Variants in ZNF410 observed in about 807,000 individuals in gnomAD.
The protein encoded by ZNF410 is zinc finger protein 410.
A neutral mutation model predicts 54.8 loss-of-function variants in ZNF410; 18 were observed. The observed-to-expected ratio is 0.33, with a 90% CI of 0.23 to 0.49. The LOEUF is 0.49. Among genes scored for constraint, ZNF410 ranks in the 20% least tolerant of loss-of-function variants. The pLI is 0.99. For missense variants in ZNF410, 405 were observed against 569.6 expected (o/e 0.71, Z 2.94); for synonymous variants, 191 against 207.3 (o/e 0.92, Z 0.68).
In ZNF410 at chr14:73,888,973, G is replaced by A. The variant is rs1168098983; in HGVS notation, c.-150+2058G>A. Among the ~76,000 whole-genome samples, 4 of 152,150 alleles carry A rather than the reference G, an allele frequency of 2.6e-5. No homozygotes were observed. The East Asian group carries it at 7.7e-4, about 29-fold the overall frequency. ...ACCCAGTGCTTGAGAAAATGCTCGTGTTAATTTTTAAAGATTATTGAAGTG... is the reference window on the plus strand; with the variant it reads ...ACCCAGTGCTTGAGAAAATGCTCGTATTAATTTTTAAAGATTATTGAAGTG... On this transcript the variant is annotated intron_variant, in intron 1 of 11. Transcript: ENST00000555044.
At chr14:73,916,613 C>T (rs1010138173) in intron 8 of ZNF410, 1 of 152,170 alleles carries the variant, frequency 6.6e-6, no homozygotes, top group Admixed American at 6.5e-5. Context: ...TCAGCTATTC[C>T]TCCATGGAGT....
In ZNF410 at chr14:73,932,206, G is replaced by GTT. The variant is rs931208466; in HGVS notation, c.*671_*672dup. ...ATGTTAAGAGGGATTTCATGTTTTT[G>GTT]TTTTTTTAAAGTTAAAAATTACATG... is the stretch of plus-strand genomic sequence containing the variant. On this transcript the variant is annotated 3_prime_UTR_variant, in exon 12 of 12. Coordinates refer to ENST00000555044, the MANE Select transcript of ZNF410 (RefSeq NM_021188.3). 3.0e-6 allele frequency: 1 copy of GTT among 334,456 alleles called. No homozygotes were observed. The highest frequency in any genetic ancestry group is 5.8e-6 in the Non-Finnish European group (1 of 173,554). 20.7% of individuals were successfully genotyped at this position (334,456 alleles called of 1,614,324 possible).
chr14:73,887,139 TC>T (rs2055153375), intron 1 of ZNF410: 2 of 152,614 alleles, frequency 1.3e-5, no homozygotes. Context: ...ATGTTCTTGC[TC>T]CTTTGCTTGG....
Position 73,923,522 on chromosome 14 carries a change from G to A in ZNF410, c.1398G>A (p.Glu466=). Residue 466 remains glutamate, a splice_region_variant and synonymous_variant, in exon 11 of 12, where the codon GAG becomes GAA. Coordinates refer to ENST00000555044, the MANE Select transcript of ZNF410 (RefSeq NM_021188.3). ...VSVLTAVNPQ[E]LLNQGDLTER... is the part of the protein sequence containing the mutation. ...TCTTAACTGCAGTAAATCCACAAGA[G>A]GTAAAGTGGTCTCTTGCCCTTTGTT... 6.2e-7 allele frequency: 1 copy of A among 1,611,624 alleles called. No individual in the cohort carries two copies. Among genetic ancestry groups the A allele is most frequent in the Non-Finnish European group, 8.5e-7 (1 of 1,178,972 alleles).
At chr14:73,902,886 T>C (rs924030995) in intron 5 of ZNF410, among the ~76,000 whole-genome samples, 5 of 152,198 alleles carry the variant, frequency 3.3e-5, no homozygotes, top group Middle Eastern at 3.2e-3. Context: ...TGAACAAAAC[T>C]CCAGTAGATA....
rs919740209 is a variant in ZNF410 at position 73,893,988 on chromosome 14, T to C, written c.169+56T>C. On this transcript the variant is annotated intron_variant, in intron 3 of 11. Coordinates refer to ENST00000555044, the MANE Select transcript of ZNF410 (RefSeq NM_021188.3). ...AAGAAGTCTTAAGAGCTTAGCCTAC[T>C]CTATGTTACTGGTGGAATGAATATA... 14 of 1,547,904 alleles carry C rather than the reference T, an allele frequency of 9.0e-6. No individual in the cohort carries two copies. In the African/African-American group the frequency reaches 1.8e-4, roughly 20 times the overall value.
intron 11 of ZNF410, among the ~76,000 whole-genome samples, 178 bp downstream of exon 11, chr14:73,923,700 A>AT (rs2055788178): frequency 6.6e-6 from 1 of 152,270 alleles, no homozygotes; most frequent in East Asian, 1.9e-4. Context: ...GTCTTAATGA[A>AT]TTGGAGATTG....
chr14:73,923,332 T>C, intron 10 of ZNF410, 63 bp from the exon 11 acceptor site: 1 of 1,542,620 alleles, frequency 6.5e-7, no homozygotes. Context: ...AGAGGCTTAA[T>C]GATCCAGATA....
chr14:73,917,307 A>G (rs975255277), intron 8 of ZNF410, among the ~76,000 whole-genome samples: 5 of 152,180 alleles, frequency 3.3e-5, no homozygotes, highest in African/African-American at 1.2e-4. Flanking sequence ...GTTTTAATAT[A>G]TCACCAGCTT....
In ZNF410 at chr14:73,931,983, G is replaced by A. The variant is rs1325616713; in HGVS notation, c.*442G>A. 1 of 456,516 alleles carries A rather than the reference G, an allele frequency of 2.2e-6. No homozygotes were observed. Among genetic ancestry groups the A allele is most frequent in the Admixed American group, 2.3e-5 (1 of 42,562 alleles). The allele number at this position is 456,516 out of a possible 1,614,324, so 28.3% of individuals were successfully genotyped here. On this transcript the variant is annotated 3_prime_UTR_variant, in exon 12 of 12. Coordinates refer to ENST00000555044, the MANE Select transcript of ZNF410 (RefSeq NM_021188.3). ...GGAAGTTGAGTTTTCAAGATGCCTTGTTGCTTTGAAGAAGGGAGTGATGTC... is the reference window on the plus strand; with the variant it reads ...GGAAGTTGAGTTTTCAAGATGCCTTATTGCTTTGAAGAAGGGAGTGATGTC...
chr14:73,897,025 A>G (rs2055328204), intron 4 of ZNF410, among the ~76,000 whole-genome samples: 2 of 152,214 alleles, frequency 1.3e-5, no homozygotes, highest in Non-Finnish European at 2.9e-5. Flanking sequence ...ACAACAGAAC[A>G]GGAAGGAGCA....
Position 73,932,311 on chromosome 14 carries a change from T to A in ZNF410, c.*770T>A, listed in dbSNP as rs1419721550. The A allele has an allele frequency of 2.9e-6, 1 of 340,230 alleles. No individual in the cohort carries two copies. The highest frequency in any genetic ancestry group is 8.1e-5 in the East Asian group (1 of 12,280). 21.1% of individuals were successfully genotyped at this position (340,230 alleles called of 1,614,324 possible). On this transcript the variant is annotated 3_prime_UTR_variant, in exon 12 of 12. Transcript: ENST00000555044. The stretch of plus-strand genomic sequence containing the variant: ...GGCTCTTGTTTTATACAAAATTTGT[T>A]TTCTTAGAGATTAAGAATTTAATCT...
intron 4 of ZNF410, 57 bp downstream of exon 4, chr14:73,896,591 G>A (rs1479206305): frequency 8.7e-6 from 12 of 1,380,948 alleles, no homozygotes; most frequent in African/African-American, 1.5e-5. Context: ...TTAGGGGTGG[G>A]GCATATTTAA....
chr14:73,889,458 T>C (rs946260201), intron 1 of ZNF410, among the ~76,000 whole-genome samples: 3 of 127,368 alleles, frequency 2.4e-5, no homozygotes, highest in African/African-American at 8.7e-5. Flanking sequence ...AAAAAAGAAA[T>C]AGGGTCTCAC....
Position 73,909,616 on chromosome 14 carries a change from G to T in ZNF410, c.1003+186G>T, listed in dbSNP as rs2055546883. Reference sequence around the variant, plus strand: ...TTCTTATAATCAAGGTTGGGGGGGGGACATCTAATTATTATTTTCAGCTGT... The same window carrying T: ...TTCTTATAATCAAGGTTGGGGGGGGTACATCTAATTATTATTTTCAGCTGT... On this transcript the variant is annotated intron_variant, in intron 8 of 11. Transcript: ENST00000555044. 14 of 461,764 alleles carry T rather than the reference G, an allele frequency of 3.0e-5. 1 individual carries two copies. The Admixed American group carries it at 5.1e-4, about 17-fold the overall frequency. The allele number at this position is 461,764 out of a possible 1,614,324, so 28.6% of individuals were successfully genotyped here.
intron 8 of ZNF410, among the ~76,000 whole-genome samples, chr14:73,909,930 G>A (rs1249205696): frequency 6.6e-6 from 1 of 152,164 alleles, no homozygotes; most frequent in East Asian, 1.9e-4. Context: ...CAGATGTGGA[G>A]AAGAGAAAAG....
chr14:73,925,608 A>T (rs576843142), intron 11 of ZNF410, among the ~76,000 whole-genome samples: 2 of 152,106 alleles, frequency 1.3e-5, no homozygotes, highest in African/African-American at 4.8e-5. Context: ...TTGTATTTTT[A>T]TTAGAGATAG....
chr14:73,909,805 T>A (rs2055549986), intron 8 of ZNF410, among the ~76,000 whole-genome samples: 1 of 152,216 alleles, frequency 6.6e-6, no homozygotes, highest in Admixed American at 6.5e-5. Context: ...TGATATAAGT[T>A]GTAGCAGCAC....
intron 1 of ZNF410, among the ~76,000 whole-genome samples, chr14:73,888,888 C>T (rs2055182508): frequency 6.6e-6 from 1 of 152,144 alleles, no homozygotes; most frequent in Non-Finnish European, 1.5e-5. Context: ...ATACCGTACA[C>T]ATACAAATCA....
Sources: gnomAD v4.1 joint callset for allele counts (sites outside exome capture counted in the v4.1 genomes callset) on GRCh38, gnomAD v4.1.1 for gene constraint, MANE v1.5 for transcripts, NCBI Gene and HGNC (gene_info 2026-07-23, HGNC 2026-07-21) for gene names.